Variants in GSG1L observed in about 807,000 individuals in gnomAD.
GSG1L encodes the protein GSG1 like.
In GSG1L, 24 loss-of-function variants were observed where a neutral mutation model predicts 42.1. That is an observed-to-expected ratio of 0.57 (90% confidence interval 0.41 to 0.80). GSG1L has a LOEUF of 0.80. Among genes scored for constraint, GSG1L ranks in the 30% least tolerant of loss-of-function variants. GSG1L has a pLI of 0.00. For missense variants in GSG1L, 445 were observed against 472.2 expected (o/e 0.94, Z 0.53); for synonymous variants, 215 against 203.5 (o/e 1.06, Z -0.48).
Position 27,828,770 on chromosome 16 carries a change from T to C in GSG1L, c.830+19A>G. The C allele has an allele frequency of 6.2e-7, 1 of 1,606,310 alleles. No individual in the cohort carries two copies. The highest frequency in any genetic ancestry group is 8.5e-7 in the Non-Finnish European group (1 of 1,174,298). ...TTAGAGTCCCCGTGGTGGCCAGAGGTAACCCCCTGTGCACTGACCTCTCCC... is the reference window on the plus strand; with the variant it reads ...TTAGAGTCCCCGTGGTGGCCAGAGGCAACCCCCTGTGCACTGACCTCTCCC... On this transcript the variant is annotated intron_variant, in intron 5 of 6. Coordinates refer to ENST00000447459, the MANE Select transcript of GSG1L (RefSeq NM_001109763.2).
At position 27,814,005 on chromosome 16, in the gene GSG1L, G is replaced by A. The variant is rs560179382; in HGVS notation, c.831-6451C>T. On this transcript the variant is annotated intron_variant, in intron 5 of 6. Coordinates refer to ENST00000447459, the MANE Select transcript of GSG1L (RefSeq NM_001109763.2). ...CCACTGCCACCCTGGTTGTTGTAAG[G>A]ACTCAAGCCCAGGACCTGCCACAGA... 8.5e-5 allele frequency among the ~76,000 whole-genome samples: 13 copies of A among 152,252 alleles called. No homozygotes were observed. In the South Asian group the frequency reaches 2.7e-3, roughly 32 times the overall value.
intron 1 of GSG1L, among the ~76,000 whole-genome samples, chr16:28,025,940 C>T (rs2085895934): frequency 6.6e-6 from 1 of 152,246 alleles, no homozygotes; most frequent in South Asian, 2.1e-4. Context: ...CAGCTCCTTG[C>T]TACCAGGAGA....
chr16:27,853,050 A>G (rs1045929418), intron 3 of GSG1L, among the ~76,000 whole-genome samples: 3 of 152,322 alleles, frequency 2.0e-5, no homozygotes, highest in East Asian at 1.9e-4. Flanking sequence ...GACTGACCCA[A>G]TTAATATCAG....
At chr16:27,897,079 G>T (rs1186756162) in intron 2 of GSG1L, among the ~76,000 whole-genome samples, 3 of 152,182 alleles carry the variant, frequency 2.0e-5, no homozygotes, top group African/African-American at 2.4e-5. Flanking sequence ...GGCCAGGTTG[G>T]TCTCAAACTC....
intron 1 of GSG1L, among the ~76,000 whole-genome samples, chr16:28,011,948 C>T (rs1015371937): frequency 1.3e-5 from 2 of 152,172 alleles, no homozygotes; most frequent in South Asian, 2.1e-4. Flanking sequence ...AGCCAGCAGC[C>T]GTCAGCTTGC....
chr16:27,925,662 A>G (rs1046116340), intron 2 of GSG1L, among the ~76,000 whole-genome samples: 12 of 152,144 alleles, frequency 7.9e-5, no homozygotes, highest in Non-Finnish European at 1.6e-4. Context: ...CAACCATGCA[A>G]TGTTCACGGG....
rs575422859 is a variant in GSG1L, at chr16:27,983,995, T to C, written c.350-20792A>G. 3.4e-4 allele frequency among the ~76,000 whole-genome samples: 52 copies of C among 152,294 alleles called. 1 individual carries two copies. In the South Asian group the frequency reaches 0.011, roughly 32 times the overall value. On this transcript the variant is annotated intron_variant, in intron 1 of 6. Transcript: ENST00000447459. The stretch of plus-strand genomic sequence containing the variant: ...AGAGAAACAATGCCCATAGCATAGA[T>C]AACCCCTTGTCAAGATGCTTATCCA...
chr16:27,830,405 C>A lies in GSG1L; in HGVS notation c.663-1449G>T, dbSNP rs140122514. On this transcript the variant is annotated intron_variant, in intron 4 of 6. Coordinates refer to ENST00000447459, the MANE Select transcript of GSG1L (RefSeq NM_001109763.2). ...TGAAGCCCACTGCCTGCACCCACTGCTTTTCCCCTTGACAGCCCCTGAGCA... is the reference window on the plus strand; with the variant it reads ...TGAAGCCCACTGCCTGCACCCACTGATTTTCCCCTTGACAGCCCCTGAGCA... Among the ~76,000 whole-genome samples, 783 of 152,274 alleles carry A rather than the reference C, an allele frequency of 5.1e-3. 8 individuals are homozygous for A. The highest frequency in any genetic ancestry group is 0.018 in the African/African-American group (738 of 41,552).
At chr16:27,944,494 T>C (rs1157236492) in intron 2 of GSG1L, among the ~76,000 whole-genome samples, 1 of 151,708 alleles carries the variant, frequency 6.6e-6, no homozygotes, top group Non-Finnish European at 1.5e-5. Context: ...TGGTGGCATG[T>C]ACCCATAATC....
chr16:28,053,743 A>T (rs1386081879), intron 1 of GSG1L, among the ~76,000 whole-genome samples: 1 of 151,994 alleles, frequency 6.6e-6, no homozygotes, highest in Admixed American at 6.5e-5. Context: ...GTGTCTGTGC[A>T]TGCATGCGTG....
Position 27,895,505 on chromosome 16 carries a change from G to A in GSG1L, c.398-10867C>T, listed in dbSNP as rs944126100. On this transcript the variant is annotated intron_variant, in intron 2 of 6. Coordinates refer to ENST00000447459, the MANE Select transcript of GSG1L (RefSeq NM_001109763.2). ...ACCCCTGATATCTACAGATAGGGGT[G>A]AAATATCCTGCAAACCTTTCCCCAT... is the stretch of plus-strand genomic sequence containing the variant. Among the ~76,000 whole-genome samples the A allele has an allele frequency of 2.0e-5, 3 of 152,288 alleles. No individual in the cohort carries two copies. The East Asian group carries it at 5.8e-4, about 29-fold the overall frequency.
intron 1 of GSG1L, among the ~76,000 whole-genome samples, chr16:27,989,986 C>A (rs966653183): frequency 6.6e-6 from 1 of 152,142 alleles, no homozygotes; most frequent in African/African-American, 2.4e-5. Context: ...AGGACCCTGA[C>A]AAGTCATCTT....
chr16:27,792,145 C>T (rs1597453264), intron 6 of GSG1L, among the ~76,000 whole-genome samples: 2 of 152,286 alleles, frequency 1.3e-5, no homozygotes, highest in South Asian at 2.1e-4. Context: ...ACCTTGCCAT[C>T]TGCCCCCAAG....
chr16:27,897,070 G>A (rs1049888287), intron 2 of GSG1L, among the ~76,000 whole-genome samples: 3 of 152,136 alleles, frequency 2.0e-5, no homozygotes, highest in Non-Finnish European at 4.4e-5. Flanking sequence ...CACCATTTTG[G>A]CCAGGTTGGT....
At chr16:27,924,829 TA>T (rs1206095564) in intron 2 of GSG1L, among the ~76,000 whole-genome samples, 1 of 152,176 alleles carries the variant, frequency 6.6e-6, no homozygotes, top group African/African-American at 2.4e-5. Flanking sequence ...GAGTTGTCCT[TA>T]ATTTTGACCC....
At chr16:28,062,743 G>T (rs2086357083) in intron 1 of GSG1L, among the ~76,000 whole-genome samples, 1 of 152,206 alleles carries the variant, frequency 6.6e-6, no homozygotes, top group Non-Finnish European at 1.5e-5. Context: ...GTTCAGGAGC[G>T]GAAAGCAGCG....
At chr16:27,948,908 C>CTATTATTAATTATTATTAT (rs1555510176) in intron 2 of GSG1L, among the ~76,000 whole-genome samples, 14 of 141,408 alleles carry the variant, frequency 9.9e-5, no homozygotes, top group African/African-American at 3.7e-4. Context: ...CGCACCTGAT[C>CTATTATTAATTATTATTAT]TATTATTATT....
chr16:27,814,077 A>G (rs1406601914), intron 5 of GSG1L, among the ~76,000 whole-genome samples: 1 of 152,100 alleles, frequency 6.6e-6, no homozygotes, highest in Non-Finnish European at 1.5e-5. Context: ...AAACTTCTCT[A>G]ATAGTCTGAT....
rs72785847 is a variant in GSG1L, at chr16:28,050,492, T to C, written c.349+12584A>G. On this transcript the variant is annotated intron_variant, in intron 1 of 6. Transcript: ENST00000447459. ...GGAGGACAGATCCTTAAAGAAGGGC[T>C]GGAATTGGAGGCATGAGCCACTGCA... Among the ~76,000 whole-genome samples, 724 of 152,206 alleles carry C rather than the reference T, an allele frequency of 4.8e-3. 7 individuals carry two copies. Among genetic ancestry groups the C allele is most frequent in the Non-Finnish European group, 7.9e-3 (539 of 68,006 alleles).
Sources: allele counts gnomAD v4.1 joint callset (sites outside exome capture counted in the v4.1 genomes callset), GRCh38; gene constraint gnomAD v4.1.1; transcripts MANE v1.5; gene names NCBI Gene and HGNC (gene_info 2026-07-23, HGNC 2026-07-21).